The following CMIP variants were observed in gnomAD, a reference collection of about 807,000 sequenced individuals.
CMIP encodes c-Maf inducing protein.
In CMIP, 13 loss-of-function variants were observed where a neutral mutation model predicts 97.3. That is an observed-to-expected ratio of 0.13 (90% CI 0.09 to 0.21). CMIP has a LOEUF of 0.21. CMIP is among the 10% of genes least tolerant of loss of function. CMIP has a pLI of 1.00. For synonymous variants in CMIP, 538 were observed against 436.3 expected (o/e 1.23, Z -2.91); for missense variants, 847 against 1,024.9 (o/e 0.83, Z 2.37).
In CMIP at chr16:81,693,443, C is replaced by G; in HGVS notation, c.1486C>G (p.Leu496Val). The change falls in exon 13 of 21, where the codon CTG becomes GTG. Residue 496 changes from leucine to valine, a missense_variant. Around this residue, in one of 4 missense-constraint regions of CMIP, gnomAD observed 266 missense variants for 384.2 expected, o/e 0.69. Transcript: ENST00000537098. ...CGGCCGCCTCGTCTCTTCCAGGGAA[C>G]TGAAGTACGTGATTCAGAGGTTCGC... ...ALAHEKFTKE[L>V]KYVIQRFAED... 1 of 1,612,322 alleles carries G rather than the reference C, an allele frequency of 6.2e-7. No homozygotes were observed.
At chr16:81,696,847 T>C (rs1182689549) in intron 14 of CMIP, 180 bp downstream of exon 14, 12 of 620,834 alleles carry the variant, frequency 1.9e-5, no homozygotes, top group Non-Finnish European at 3.3e-5. Flanking sequence ...TGTCACTTAC[T>C]CATTTCTTAT....
At chr16:81,691,558 C>G in intron 10 of CMIP, 3 of 592,416 alleles carry the variant, frequency 5.1e-6, no homozygotes, top group Non-Finnish European at 9.1e-6. Flanking sequence ...CCTCGGGTGC[C>G]ATGAGGAAGT....
chr16:81,531,448 C>T (rs1049044833), intron 1 of CMIP, among the ~76,000 whole-genome samples: 2 of 152,216 alleles, frequency 1.3e-5, no homozygotes, highest in Admixed American at 6.5e-5. Context: ...GTCTGTTGTT[C>T]AGGAGGCCCT....
intron 1 of CMIP, among the ~76,000 whole-genome samples, chr16:81,534,442 A>G (rs1336902269): frequency 6.6e-6 from 1 of 152,178 alleles, no homozygotes; most frequent in Non-Finnish European, 1.5e-5. Flanking sequence ...TCCTTTTTCA[A>G]ATCATTTATG....
chr16:81,621,858 G>C lies in CMIP; in HGVS notation c.477+932G>C, dbSNP rs2091996921. 6.6e-6 allele frequency: 1 copy of C among 152,290 alleles called. No homozygotes were observed. The highest frequency in any genetic ancestry group is 1.5e-5 in the Non-Finnish European group (1 of 68,082). 9.4% of individuals were successfully genotyped at this position (152,290 alleles called of 1,614,324 possible). A position where few individuals can be genotyped will look rare whatever the true frequency, so the allele number is the denominator to read the frequency against. Reference sequence around the variant, plus strand: ...CAACGGCCAGGGTTGGGGGCAGAAAGGCAACCCCAGATAATTACTTTCCTG... The same window carrying C: ...CAACGGCCAGGGTTGGGGGCAGAAACGCAACCCCAGATAATTACTTTCCTG... On this transcript the variant is annotated intron_variant, in intron 3 of 20. Coordinates refer to ENST00000537098, the MANE Select transcript of CMIP (RefSeq NM_198390.3). The surrounding 1 kb of genome is among the most constrained non-coding windows in gnomAD (Gnocchi z 4.1).
intron 1 of CMIP, among the ~76,000 whole-genome samples, chr16:81,505,852 G>A (rs977075077): frequency 5.9e-5 from 9 of 152,204 alleles, no homozygotes; most frequent in African/African-American, 1.4e-4. Flanking sequence ...AAAATCAGCC[G>A]GGCGTGGTGG....
chr16:81,527,856 C>T (rs993690900), intron 1 of CMIP, among the ~76,000 whole-genome samples: 2 of 152,194 alleles, frequency 1.3e-5, no homozygotes, highest in East Asian at 1.9e-4. Context: ...TTGTTGCCTT[C>T]TTAGGCTTTT....
chr16:81,461,498 C>G (rs1199036076), intron 1 of CMIP, among the ~76,000 whole-genome samples: 1 of 152,182 alleles, frequency 6.6e-6, no homozygotes, highest in African/African-American at 2.4e-5. Context: ...CAGAGACAGC[C>G]ACTAATAATC....
intron 7 of CMIP, among the ~76,000 whole-genome samples, chr16:81,668,955 C>A (rs1452080731): frequency 6.7e-6 from 1 of 148,154 alleles, no homozygotes; most frequent in South Asian, 2.2e-4. Flanking sequence ...TCACACCTTC[C>A]ACACCCACCT....
intron 1 of CMIP, among the ~76,000 whole-genome samples, chr16:81,507,969 T>A (rs962013541): frequency 1.3e-5 from 2 of 152,222 alleles, no homozygotes; most frequent in African/African-American, 4.8e-5. Flanking sequence ...ATTTCCCATT[T>A]GGTTTTCCCA....
chr16:81,636,702 T>C (rs143518873), intron 3 of CMIP, among the ~76,000 whole-genome samples: 124 of 152,288 alleles, frequency 8.1e-4, no homozygotes, highest in Non-Finnish European at 1.4e-3. Context: ...CCTTTATTTC[T>C]CTTTAATTAA....
rs2091985431 is a variant in CMIP at position 81,621,042 on chromosome 16, A to G, written c.477+116A>G. On this transcript the variant is annotated intron_variant, in intron 3 of 20. Coordinates refer to ENST00000537098, the MANE Select transcript of CMIP (RefSeq NM_198390.3). This position sits in a 1 kb window ranked among gnomAD's most constrained non-coding sequence, Gnocchi z 4.1. ...AGAACTCATGCCTTCCAGATGGCTC[A>G]GCTGAGGAACTTTGTTCCCCTACCT... is the stretch of plus-strand genomic sequence containing the variant. The G allele has an allele frequency of 1.5e-6, 2 of 1,320,790 alleles. No homozygotes were observed. Among genetic ancestry groups the G allele is most frequent in the South Asian group, 1.3e-5 (1 of 75,958 alleles). The allele number at this position is 1,320,790 out of a possible 1,614,324, so 81.8% of individuals were successfully genotyped here. A position where few individuals can be genotyped will look rare whatever the true frequency, so the allele number is the denominator to read the frequency against.
chr16:81,670,264 G>T lies in CMIP; in HGVS notation c.929+19G>T, dbSNP rs187406914. ...TTCAGAGGTGGGTCTCCGGCGCGAC[G>T]TCCCTCTGTGGCCTAGGAGCCACTT... On this transcript the variant is annotated intron_variant, in intron 8 of 20. Transcript: ENST00000537098. 1 of 1,592,876 alleles carries T rather than the reference G, an allele frequency of 6.3e-7. No homozygotes were observed. The highest frequency in any genetic ancestry group is 1.1e-5 in the South Asian group (1 of 87,548).
At chr16:81,496,385 G>A (rs1009270923) in intron 1 of CMIP, among the ~76,000 whole-genome samples, 2 of 152,316 alleles carry the variant, frequency 1.3e-5, no homozygotes, top group African/African-American at 4.8e-5. Context: ...GGAAGTAAGT[G>A]AAACCTATTT....
intron 4 of CMIP, among the ~76,000 whole-genome samples, chr16:81,656,822 A>C (rs555618643): frequency 6.6e-6 from 1 of 152,130 alleles, no homozygotes; most frequent in East Asian, 1.9e-4. Context: ...GGGTTTCACC[A>C]TGTTGGCCAG....
At chr16:81,545,154 G>A (rs561237531) in intron 1 of CMIP, among the ~76,000 whole-genome samples, 6 of 152,236 alleles carry the variant, frequency 3.9e-5, no homozygotes, top group Non-Finnish European at 7.4e-5. Flanking sequence ...ATACTGGTGC[G>A]AAACTCTCCC....
At chr16:81,548,122 A>G (rs895919906) in intron 1 of CMIP, among the ~76,000 whole-genome samples, 3 of 143,398 alleles carry the variant, frequency 2.1e-5, no homozygotes, top group African/African-American at 7.8e-5. Context: ...ACATCTAAGG[A>G]TGGATCACTT....
chr16:81,529,465 T>G (rs2090191590), intron 1 of CMIP, among the ~76,000 whole-genome samples: 1 of 152,094 alleles, frequency 6.6e-6, no homozygotes, highest in Non-Finnish European at 1.5e-5. Context: ...AGATGGGCTG[T>G]GAAACTGTGG....
intron 1 of CMIP, among the ~76,000 whole-genome samples, chr16:81,570,484 C>G (rs1041714586): frequency 2.6e-5 from 4 of 152,104 alleles, no homozygotes; most frequent in Admixed American, 1.3e-4. Flanking sequence ...ATAAAATGTG[C>G]TAACAATGGC....
Sources: allele counts gnomAD v4.1 joint callset (sites outside exome capture counted in the v4.1 genomes callset), GRCh38; gene constraint gnomAD v4.1.1; regional missense constraint gnomAD v4.1.1; non-coding constraint Gnocchi (gnomAD v3.1); transcripts MANE v1.5; gene names NCBI Gene and HGNC (gene_info 2026-07-23, HGNC 2026-07-21).